The following TEX9 variants were observed in gnomAD, a reference collection of about 807,000 sequenced individuals.
The protein encoded by TEX9 is testis-expressed protein 9.
In TEX9, 74 loss-of-function variants were observed where a neutral mutation model predicts 59.6. The observed-to-expected ratio is 1.24, with a 90% CI of 1.03 to 1.51. TEX9 has a LOEUF of 1.51. TEX9 is among the 40% of genes most tolerant of loss of function. TEX9 has a pLI of 0.00. For missense variants in TEX9, 522 were observed against 447.8 expected, an observed-to-expected ratio of 1.17 and a Z score of -1.49; for synonymous variants, 186 against 152.2, an observed-to-expected ratio of 1.22 and a Z score of -1.64.
intron 1 of TEX9, among the ~76,000 whole-genome samples, chr15:56,271,349 T>G (rs1425775424): frequency 6.6e-6 from 1 of 152,210 alleles, no homozygotes; most frequent in Non-Finnish European, 1.5e-5. Context: ...TACTCTTTTT[T>G]CTCTAAACTT....
chr15:56,248,035 T>C (rs895772204), intron 1 of TEX9, among the ~76,000 whole-genome samples: 3 of 152,224 alleles, frequency 2.0e-5, no homozygotes, highest in Non-Finnish European at 4.4e-5. Flanking sequence ...TTCTTTCAGC[T>C]AAGCTGTTGT....
intron 1 of TEX9, among the ~76,000 whole-genome samples, chr15:56,331,826 T>C (rs980265398): frequency 6.7e-6 from 1 of 150,016 alleles, no homozygotes; most frequent in Non-Finnish European, 1.5e-5. Flanking sequence ...AACAGACACT[T>C]CTCAAAAGAA....
At chr15:56,383,790 T>C (rs1358808711) in intron 3 of TEX9, among the ~76,000 whole-genome samples, 162 bp from the exon 4 acceptor site, 1 of 152,220 alleles carries the variant, frequency 6.6e-6, no homozygotes, top group African/African-American at 2.4e-5. Flanking sequence ...ACTAGTGTTA[T>C]AGACCTTATC....
intron 9 of TEX9, among the ~76,000 whole-genome samples, chr15:56,400,284 C>T (rs1442167861): frequency 1.3e-5 from 2 of 152,084 alleles, no homozygotes; most frequent in East Asian, 3.9e-4. Flanking sequence ...GTAGAGAAGA[C>T]CTTAAATGAC....
chr15:56,366,531 A>G (rs1430736040), intron 2 of TEX9, among the ~76,000 whole-genome samples: 1 of 151,834 alleles, frequency 6.6e-6, no homozygotes. Flanking sequence ...TGTCTCAGTG[A>G]TTTTTCTTTC....
At chr15:56,264,220 G>A (rs1489602423) in intron 1 of TEX9, among the ~76,000 whole-genome samples, 1 of 152,124 alleles carries the variant, frequency 6.6e-6, no homozygotes, top group Non-Finnish European at 1.5e-5. Context: ...ATTCCAATTT[G>A]TGCCACATCT....
chr15:56,310,586 A>G (rs569401042), intron 1 of TEX9, among the ~76,000 whole-genome samples: 3 of 152,292 alleles, frequency 2.0e-5, no homozygotes, highest in East Asian at 3.9e-4. Context: ...CCTACTTTCC[A>G]TTGCTGGTCT....
intron 2 of TEX9, 150 bp downstream of exon 2, chr15:56,365,820 C>T (rs2046917652): frequency 6.9e-7 from 1 of 1,446,390 alleles, no homozygotes; most frequent in African/African-American, 1.4e-5. Context: ...GCCGTTTATC[C>T]TTTCTTTGTC....
chr15:56,245,955 G>T (rs2043842989), intron 1 of TEX9, among the ~76,000 whole-genome samples: 1 of 152,148 alleles, frequency 6.6e-6, no homozygotes, highest in Non-Finnish European at 1.5e-5. Context: ...TGCCAAGAGA[G>T]AATGATGGCT....
chr15:56,386,886 A>T (rs1271799802), intron 4 of TEX9, among the ~76,000 whole-genome samples: 2 of 151,928 alleles, frequency 1.3e-5, no homozygotes, highest in African/African-American at 4.8e-5. Flanking sequence ...TCAGTTGGGA[A>T]TTCCTGAATA....
rs149008602 is a variant in TEX9 at position 56,263,184 on chromosome 15, C to T, written c.-107+18906C>T. On this transcript the variant is annotated intron_variant, in intron 1 of 5. Coordinates refer to the TEX9 transcript ENST00000560827. ...GATTACAGTCATTTGCCACCATGCC[C>T]GGCTAATTTTGTATTTTTAGTAGAG... Among the ~76,000 whole-genome samples the T allele has an allele frequency of 9.2e-3, 1,397 of 152,138 alleles. 19 individuals carry two copies. Among genetic ancestry groups the T allele is most frequent in the African/African-American group, 0.029 (1,203 of 41,476 alleles).
At chr15:56,283,045 GTGTGGT>G (rs2044855159) in intron 1 of TEX9, among the ~76,000 whole-genome samples, 1 of 87,348 alleles carries the variant, frequency 1.1e-5, no homozygotes, top group Non-Finnish European at 2.3e-5. Context: ...TGTGTACATT[GTGTGGT>G]GTGTGTGTGT....
intron 1 of TEX9, among the ~76,000 whole-genome samples, chr15:56,309,330 AT>A (rs1417271382): frequency 2.0e-5 from 3 of 151,932 alleles, no homozygotes; most frequent in African/African-American, 7.3e-5. Context: ...TGGTTTTTGT[AT>A]TTTTTAATTC....
chr15:56,295,431 G>T (rs1271936120), intron 1 of TEX9, among the ~76,000 whole-genome samples: 1 of 152,108 alleles, frequency 6.6e-6, no homozygotes, highest in East Asian at 1.9e-4. Flanking sequence ...CAGCTAAGCT[G>T]GTGTCCAAGT....
At chr15:56,375,176 G>A (rs541014045) in intron 3 of TEX9, among the ~76,000 whole-genome samples, 6 of 152,284 alleles carry the variant, frequency 3.9e-5, no homozygotes, top group East Asian at 1.9e-4. Flanking sequence ...TCCAGCAGCT[G>A]TTGTTTCCTG....
At chr15:56,292,432 T>G (rs1360875483) in intron 1 of TEX9, among the ~76,000 whole-genome samples, 3 of 152,138 alleles carry the variant, frequency 2.0e-5, no homozygotes, top group Admixed American at 1.3e-4. Flanking sequence ...GGTGATCCCC[T>G]AGGACATCTC....
At chr15:56,293,491 C>T (rs1156251464) in intron 1 of TEX9, among the ~76,000 whole-genome samples, 1 of 152,178 alleles carries the variant, frequency 6.6e-6, no homozygotes, top group Non-Finnish European at 1.5e-5. Flanking sequence ...TGCCCAACTA[C>T]CAGGAAGTGA....
chr15:56,384,295 A>G (rs530704523), intron 4 of TEX9, among the ~76,000 whole-genome samples: 11 of 152,220 alleles, frequency 7.2e-5, no homozygotes, highest in Non-Finnish European at 1.5e-4. Flanking sequence ...GAATAAAACT[A>G]TGAAATCATA....
intron 1 of TEX9, among the ~76,000 whole-genome samples, chr15:56,317,548 A>G (rs1419717365): frequency 6.6e-6 from 1 of 151,992 alleles, no homozygotes; most frequent in African/African-American, 2.4e-5. Context: ...TCTAATCTTT[A>G]TTATTTTCTT....
Sources: allele counts gnomAD v4.1 joint callset (sites outside exome capture counted in the v4.1 genomes callset), GRCh38; gene constraint gnomAD v4.1.1; transcripts MANE v1.5; gene names NCBI Gene and HGNC (gene_info 2026-07-23, HGNC 2026-07-21).